CALN1: variants seen among roughly 807,000 people sequenced by gnomAD.
The protein encoded by CALN1 is calcium-binding protein 8.
Under a neutral mutation model 30.6 loss-of-function variants are expected in CALN1, and 17 were observed. The observed-to-expected ratio is 0.56, with a 90% CI of 0.38 to 0.83. The LOEUF is 0.83. CALN1 is among the 40% of genes least tolerant of loss of function. CALN1 has a pLI of 0.00. For synonymous variants in CALN1, 156 were observed against 131.4 expected, an observed-to-expected ratio of 1.19 and a Z score of -1.28; for missense variants, 291 against 354.9, an observed-to-expected ratio of 0.82 and a Z score of 1.45.
intron 2 of CALN1, among the ~76,000 whole-genome samples, chr7:72,300,366 A>G (rs1305538486): frequency 3.3e-5 from 5 of 152,144 alleles, no homozygotes; most frequent in Non-Finnish European, 7.4e-5. Flanking sequence ...GTAGCCAAAG[A>G]TTTGTGTATC....
At chr7:72,029,852 T>C (rs564849472) in intron 4 of CALN1, among the ~76,000 whole-genome samples, 2 of 152,324 alleles carry the variant, frequency 1.3e-5, no homozygotes, top group South Asian at 4.1e-4. Context: ...AGTGCTTTCC[T>C]GAGTTATGTG....
intron 1 of CALN1, among the ~76,000 whole-genome samples, chr7:72,431,627 C>T (rs1158254358): frequency 6.6e-6 from 1 of 152,094 alleles, no homozygotes; most frequent in East Asian, 1.9e-4. Context: ...TCGTTCGAGG[C>T]CAACAGTTCG....
chr7:71,996,135 C>T (rs2129528230), intron 5 of CALN1, among the ~76,000 whole-genome samples: 1 of 152,228 alleles, frequency 6.6e-6, no homozygotes, highest in East Asian at 1.9e-4. Context: ...CAAAAGTATA[C>T]CAGAATCTAA....
intron 5 of CALN1, among the ~76,000 whole-genome samples, chr7:71,823,683 A>G (rs938766470): frequency 3.3e-5 from 5 of 152,092 alleles, no homozygotes; most frequent in African/African-American, 1.2e-4. Flanking sequence ...GCACCACTGC[A>G]CTCCAGCCTG....
intron 5 of CALN1, among the ~76,000 whole-genome samples, chr7:71,898,018 G>A (rs10229704): frequency 0.28 from 22,560 of 80,638 alleles, 3,270 homozygotes; most frequent in East Asian, 0.46. Context: ...GGAGGGGGGG[G>A]GAGAGAGAGA....
intron 2 of CALN1, among the ~76,000 whole-genome samples, chr7:72,325,770 C>T (rs910561655): frequency 6.6e-6 from 1 of 152,224 alleles, no homozygotes; most frequent in African/African-American, 2.4e-5. Context: ...CTATTGGTGA[C>T]CTGCTCCCAC....
At chr7:72,351,737 A>G (rs1244244686) in intron 2 of CALN1, among the ~76,000 whole-genome samples, 1 of 152,234 alleles carries the variant, frequency 6.6e-6, no homozygotes, top group Non-Finnish European at 1.5e-5. Flanking sequence ...AAAAATAATC[A>G]ATACCAGAAA....
At chr7:72,043,669 G>A (rs992605058) in intron 4 of CALN1, among the ~76,000 whole-genome samples, 1 of 152,152 alleles carries the variant, frequency 6.6e-6, no homozygotes. Flanking sequence ...CACTCTGGAG[G>A]TCGAGGCAGA....
chr7:72,168,030 G>A (rs1449029879), intron 3 of CALN1, among the ~76,000 whole-genome samples: 2 of 152,148 alleles, frequency 1.3e-5, no homozygotes. Flanking sequence ...ATTATTGCCT[G>A]GGCAAGATGT....
At chr7:71,891,446 G>C (rs1186033417) in intron 5 of CALN1, among the ~76,000 whole-genome samples, 1 of 152,172 alleles carries the variant, frequency 6.6e-6, no homozygotes, top group African/African-American at 2.4e-5. Context: ...TATCAAACTG[G>C]TTAAGAGCAG....
At chr7:71,796,268 A>G (rs1464885915) in intron 6 of CALN1, among the ~76,000 whole-genome samples, 1 of 151,954 alleles carries the variant, frequency 6.6e-6, no homozygotes, top group African/African-American at 2.4e-5. Context: ...ATCCATGCAC[A>G]TGTTTACATG....
At chr7:72,249,303 A>G (rs1250790563) in intron 3 of CALN1, among the ~76,000 whole-genome samples, 1 of 152,188 alleles carries the variant, frequency 6.6e-6, no homozygotes, top group African/African-American at 2.4e-5. Flanking sequence ...ACACCTGCCC[A>G]TACACAGCTC....
At chr7:72,407,909 C>A (rs1416802793) in intron 1 of CALN1, among the ~76,000 whole-genome samples, 2 of 152,124 alleles carry the variant, frequency 1.3e-5, no homozygotes, top group Middle Eastern at 6.8e-3. Context: ...ACACACGGAA[C>A]CGGGGAAGAT....
chr7:72,088,188 CAT>C (rs1416127713), intron 4 of CALN1, among the ~76,000 whole-genome samples: 5 of 151,968 alleles, frequency 3.3e-5, no homozygotes, highest in Admixed American at 1.3e-4. Context: ...GAGTGTGAAT[CAT>C]ATTCCAAGGA....
At chr7:72,288,223 G>A (rs940104884) in intron 2 of CALN1, among the ~76,000 whole-genome samples, 1 of 152,036 alleles carries the variant, frequency 6.6e-6, no homozygotes, top group Non-Finnish European at 1.5e-5. Flanking sequence ...ACGTGAGTTG[G>A]GAGCACTCAC....
At chr7:71,964,858 A>G (rs1159499211) in intron 5 of CALN1, among the ~76,000 whole-genome samples, 2 of 152,140 alleles carry the variant, frequency 1.3e-5, no homozygotes, top group South Asian at 2.1e-4. Flanking sequence ...ATACTGACCA[A>G]TGTAATGTTC....
At chr7:72,354,642 T>C (rs1255633931) in intron 2 of CALN1, among the ~76,000 whole-genome samples, 1 of 152,190 alleles carries the variant, frequency 6.6e-6, no homozygotes, top group African/African-American at 2.4e-5. Context: ...CACTTGCGTG[T>C]GACCAATTAG....
At chr7:72,044,867 ACCTCAG>A (rs1802370811) in intron 4 of CALN1, among the ~76,000 whole-genome samples, 1 of 151,754 alleles carries the variant, frequency 6.6e-6, no homozygotes, top group African/African-American at 2.4e-5. Flanking sequence ...CAATCCTCCC[ACCTCAG>A]CCTCCCAAAG....
At chr7:71,923,393 T>G (rs940526843) in intron 5 of CALN1, among the ~76,000 whole-genome samples, 3 of 152,214 alleles carry the variant, frequency 2.0e-5, no homozygotes, top group African/African-American at 7.2e-5. Flanking sequence ...GAATGCATTT[T>G]ATTTGGGAAA....
Sources: allele counts gnomAD v4.1 joint callset (sites outside exome capture counted in the v4.1 genomes callset), GRCh38; gene constraint gnomAD v4.1.1; transcripts MANE v1.5; gene names NCBI Gene and HGNC (gene_info 2026-07-23, HGNC 2026-07-21).